The following MAPKAP1 variants were observed in gnomAD, a reference collection of about 807,000 sequenced individuals.
The protein encoded by MAPKAP1 is target of rapamycin complex 2 subunit MAPKAP1.
Under a neutral mutation model 65.7 loss-of-function variants are expected in MAPKAP1, and 20 were observed. The ratio of observed to expected loss-of-function variants is 0.30; its 90% CI spans 0.21 to 0.44. The LOEUF is 0.44. Among genes scored for constraint, MAPKAP1 ranks in the 20% least tolerant of loss-of-function variants. The probability of loss-of-function intolerance (pLI) is 1.00; values close to 1 mark genes in which losing one functional copy is unlikely to be tolerated. For missense variants in MAPKAP1, 423 were observed against 648.0 expected, an observed-to-expected ratio of 0.65 and a Z score of 3.77; for synonymous variants, 222 against 244.3, an observed-to-expected ratio of 0.91 and a Z score of 0.85.
At chr9:125,585,534 G>A (rs1271058022) in intron 5 of MAPKAP1, 21 bp downstream of exon 5, 2 of 1,610,484 alleles carry the variant, frequency 1.2e-6, no homozygotes, top group Admixed American at 1.7e-5. Flanking sequence ...AACTAGAGCA[G>A]CCAAAAAGAG....
At chr9:125,451,615 G>C (rs142326084) in intron 10 of MAPKAP1, among the ~76,000 whole-genome samples, 1 of 152,134 alleles carries the variant, frequency 6.6e-6, no homozygotes, top group Non-Finnish European at 1.5e-5. Context: ...ATTGGCAGTT[G>C]TGGTGGCACA....
intron 1 of MAPKAP1, among the ~76,000 whole-genome samples, chr9:125,705,681 T>C (rs544373174): frequency 2.0e-5 from 3 of 152,162 alleles, no homozygotes; most frequent in Non-Finnish European, 4.4e-5. Context: ...AAATGAGCGC[T>C]TATAGAATTC....
At chr9:125,484,693 A>C (rs1854435395) in intron 8 of MAPKAP1, 110 bp from the exon 9 acceptor site, 1 of 1,092,822 alleles carries the variant, frequency 9.2e-7, no homozygotes, top group Non-Finnish European at 1.3e-6. Flanking sequence ...TTTAATTTGG[A>C]GAAGAAAAGG....
chr9:125,631,911 C>T (rs1417076466), intron 4 of MAPKAP1, among the ~76,000 whole-genome samples: 1 of 152,138 alleles, frequency 6.6e-6, no homozygotes, highest in Non-Finnish European at 1.5e-5. Context: ...GGCCAGGTGT[C>T]CTTCCTCTAA....
intron 3 of MAPKAP1, among the ~76,000 whole-genome samples, chr9:125,668,802 A>C (rs1480808508): frequency 6.6e-6 from 1 of 152,270 alleles, no homozygotes; most frequent in Non-Finnish European, 1.5e-5. Flanking sequence ...ATATATGCAA[A>C]AAAGACTGTT....
intron 10 of MAPKAP1, among the ~76,000 whole-genome samples, chr9:125,449,851 C>A (rs1852875669): frequency 6.6e-6 from 1 of 152,226 alleles, no homozygotes; most frequent in East Asian, 1.9e-4. Flanking sequence ...CACTCACAAC[C>A]CTGCTAAAAG....
rs141812149 is a variant in MAPKAP1 at position 125,533,007 on chromosome 9, G to A, written c.958+10052C>T. Among the ~76,000 whole-genome samples the A allele has an allele frequency of 1.9e-3, 285 of 152,228 alleles. 1 individual carries two copies. The highest frequency in any genetic ancestry group is 1.0e-3 in the Non-Finnish European group (69 of 68,018). On this transcript the variant is annotated intron_variant, in intron 7 of 11. Transcript: ENST00000265960. ...TGAACATATAAACAAAAGCTTTGCC[G>A]GTGCTCAAAGGGCCAGCAGGCAAAC...
chr9:125,594,435 G>A (rs1832064972), intron 4 of MAPKAP1, among the ~76,000 whole-genome samples: 1 of 152,188 alleles, frequency 6.6e-6, no homozygotes, highest in South Asian at 2.1e-4. Flanking sequence ...CACTTCCTTA[G>A]CTGCTAGACC....
At chr9:125,678,388 G>A (rs1834718874) in intron 1 of MAPKAP1, among the ~76,000 whole-genome samples, 1 of 151,450 alleles carries the variant, frequency 6.6e-6, no homozygotes, top group Non-Finnish European at 1.5e-5. Context: ...GACTACAGGC[G>A]CCCGCCACCA....
At chr9:125,648,866 G>A (rs1377392646) in intron 4 of MAPKAP1, among the ~76,000 whole-genome samples, 9 of 151,976 alleles carry the variant, frequency 5.9e-5, no homozygotes, top group South Asian at 2.1e-4. Context: ...GCTTAAACCC[G>A]GGAGGCGGAG....
chr9:125,661,046 A>C (rs1374787787), intron 3 of MAPKAP1, among the ~76,000 whole-genome samples: 1 of 152,240 alleles, frequency 6.6e-6, no homozygotes, highest in Middle Eastern at 3.2e-3. Context: ...ACACTGAACA[A>C]CACACATAGA....
At chr9:125,686,852 A>G (rs1564616976) in intron 1 of MAPKAP1, among the ~76,000 whole-genome samples, 1 of 151,542 alleles carries the variant, frequency 6.6e-6, no homozygotes, top group Non-Finnish European at 1.5e-5. Context: ...TGAGAGACAC[A>G]GTCTTGATCT....
chr9:125,454,802 A>C (rs1219054203), intron 10 of MAPKAP1, among the ~76,000 whole-genome samples: 1 of 152,184 alleles, frequency 6.6e-6, no homozygotes, highest in Non-Finnish European at 1.5e-5. Flanking sequence ...AGGAAGAGAA[A>C]CCAGATAACC....
At chr9:125,485,059 AC>A in intron 8 of MAPKAP1, among the ~76,000 whole-genome samples, 1 of 151,906 alleles carries the variant, frequency 6.6e-6, no homozygotes, top group Non-Finnish European at 1.5e-5. Context: ...GTGGGATTTC[AC>A]TCGTTCCCCA....
At chr9:125,622,050 C>T (rs953964883) in intron 4 of MAPKAP1, among the ~76,000 whole-genome samples, 4 of 152,138 alleles carry the variant, frequency 2.6e-5, no homozygotes, top group African/African-American at 4.8e-5. Context: ...ATAAATACCA[C>T]ATGTTCTCAC....
At chr9:125,659,879 C>A (rs1834135777) in intron 3 of MAPKAP1, among the ~76,000 whole-genome samples, 1 of 152,148 alleles carries the variant, frequency 6.6e-6, no homozygotes, top group African/African-American at 2.4e-5. Flanking sequence ...CCACACTACT[C>A]CACCAAAGCA....
At chr9:125,547,246 C>T (rs1476800838) in intron 6 of MAPKAP1, among the ~76,000 whole-genome samples, 1 of 152,110 alleles carries the variant, frequency 6.6e-6, no homozygotes, top group Non-Finnish European at 1.5e-5. Context: ...ATGGGAGCCA[C>T]GGAGCCCACA....
chr9:125,678,384 A>G (rs1046680118), intron 1 of MAPKAP1, among the ~76,000 whole-genome samples: 1 of 151,960 alleles, frequency 6.6e-6, no homozygotes, highest in Non-Finnish European at 1.5e-5. Flanking sequence ...CTAAGACTAC[A>G]GGCGCCCGCC....
At chr9:125,689,298 G>A (rs548180801) in intron 1 of MAPKAP1, among the ~76,000 whole-genome samples, 19 of 152,004 alleles carry the variant, frequency 1.2e-4, no homozygotes, top group Admixed American at 6.6e-4. Context: ...TTAGCCGGGC[G>A]TGGTGGCGGG....
Sources: allele counts gnomAD v4.1 joint callset (sites outside exome capture counted in the v4.1 genomes callset), GRCh38; gene constraint gnomAD v4.1.1; transcripts MANE v1.5; gene names NCBI Gene and HGNC (gene_info 2026-07-23, HGNC 2026-07-21).